The following AADACL4 variants were observed in gnomAD, a reference collection of about 807,000 sequenced individuals.
The protein encoded by AADACL4 is arylacetamide deacetylase like 4.
AADACL4 carries 9 observed loss-of-function variants against 14.1 expected under a neutral mutation model. The observed-to-expected ratio is 0.64, with a 90% CI of 0.39 to 1.12. AADACL4 has a LOEUF of 1.12. Among genes scored for constraint, AADACL4 ranks in the 50% most tolerant of loss-of-function variants. AADACL4 has a pLI of 0.01. For synonymous variants in AADACL4, 188 were observed against 201.6 expected (o/e 0.93, Z 0.57); for missense variants, 531 against 516.1 (o/e 1.03, Z -0.28).
Position 12,651,126 on chromosome 1 carries a change from A to G in AADACL4, c.172A>G (p.Asn58Asp). ...TTTCTTTTGTTACCTCCAACAGGGGAATATATTTGAGAAGCTGGGAATTTG... is the reference window on the plus strand; with the variant it reads ...TTTCTTTTGTTACCTCCAACAGGGGGATATATTTGAGAAGCTGGGAATTTG... ...CIFLYLVTLG[N>D]IFEKLGICSM... Residue 58 changes from asparagine (N) to aspartate (D), a missense_variant, in exon 2 of 4, where the codon AAT becomes GAT. Physicochemically the swap from Asn to Asp is conservative, Grantham distance 23. Coordinates refer to ENST00000376221, the MANE Select transcript of AADACL4 (RefSeq NM_001013630.2). 6.2e-7 allele frequency: 1 copy of G among 1,613,934 alleles called. No individual in the cohort carries two copies.
intron 1 of AADACL4, among the ~76,000 whole-genome samples, chr1:12,647,408 C>T (rs1300644300): frequency 6.6e-6 from 1 of 151,730 alleles, no homozygotes; most frequent in Non-Finnish European, 1.5e-5. Context: ...CCTGGGGAGG[C>T]TTTTTATAGG....
chr1:12,659,239 G>A (rs1424377237), intron 2 of AADACL4, among the ~76,000 whole-genome samples: 2 of 152,188 alleles, frequency 1.3e-5, no homozygotes, highest in Non-Finnish European at 2.9e-5. Flanking sequence ...CTGGCCTCAT[G>A]GACCTGACAG....
chr1:12,665,964 C>T lies in AADACL4; in HGVS notation c.453C>T (p.Tyr151=). ...TTGCTCCCTGTTTTCGTTTTAGGTA[C>T]CGCAAGCTTCCTGACCACCATTCCC... ...ETESVLLMIG[Y]RKLPDHHSPA... is the part of the protein sequence containing the mutation. The change falls in exon 4 of 4, where the codon TAC becomes TAT. Residue 151 remains tyrosine, a synonymous_variant. Coordinates refer to ENST00000376221, the MANE Select transcript of AADACL4 (RefSeq NM_001013630.2). The T allele has an allele frequency of 1.2e-6, 2 of 1,602,352 alleles. No individual in the cohort carries two copies. The highest frequency in any genetic ancestry group is 2.2e-5 in the East Asian group (1 of 44,634).
chr1:12,646,229 C>T (rs182094021), intron 1 of AADACL4, among the ~76,000 whole-genome samples: 8 of 152,306 alleles, frequency 5.3e-5, no homozygotes, highest in East Asian at 1.9e-4. Flanking sequence ...AGACAGCAGC[C>T]GGACTGCCTG....
chr1:12,647,244 C>A (rs894791001), intron 1 of AADACL4, among the ~76,000 whole-genome samples: 1 of 152,040 alleles, frequency 6.6e-6, no homozygotes, highest in African/African-American at 2.4e-5. Context: ...CAGGCGTGCA[C>A]CTTCACATCA....
At chr1:12,645,265 CCCTCCCTT>C (rs377561435) in intron 1 of AADACL4, among the ~76,000 whole-genome samples, 211 of 132,044 alleles carry the variant, frequency 1.6e-3, no homozygotes, top group African/African-American at 5.5e-3. Flanking sequence ...CTCCCTCCCT[CCCTCCCTT>C]CCTTCCTTGT....
intron 2 of AADACL4, among the ~76,000 whole-genome samples, chr1:12,656,910 G>T (rs1294852081): frequency 6.6e-6 from 1 of 152,114 alleles, no homozygotes; most frequent in African/African-American, 2.4e-5. Flanking sequence ...GGAGGTTGAG[G>T]CAGGTGGACT....
intron 2 of AADACL4, among the ~76,000 whole-genome samples, chr1:12,655,850 C>G (rs539903598): frequency 6.6e-6 from 1 of 152,178 alleles, no homozygotes; most frequent in East Asian, 1.9e-4. Flanking sequence ...ATGTTGGGCA[C>G]TGACTGGCTA....
rs774985174 is a variant in AADACL4, at chr1:12,666,753, C to T, written c.*18C>T. ...GCATATGATAGTAACCCTGGGGCCC[C>T]GAGGAGGAAGGGGCAAGTATGGACT... On this transcript the variant is annotated 3_prime_UTR_variant, in exon 4 of 4. Transcript: ENST00000376221. 300 of 1,574,652 alleles carry T rather than the reference C, an allele frequency of 1.9e-4. No homozygotes were observed. The highest frequency in any genetic ancestry group is 1.1e-3 in the East Asian group (49 of 44,630).
rs1474358925 is a variant in AADACL4, at chr1:12,644,689, G to A, written c.143G>A (p.Cys48Tyr). The A allele has an allele frequency of 6.2e-7, 1 of 1,613,950 alleles. No homozygotes were observed. Among genetic ancestry groups the A allele is most frequent in the Non-Finnish European group, 8.5e-7 (1 of 1,179,966 alleles). Residue 48 changes from cysteine to tyrosine, a missense_variant, in exon 1 of 4, where the codon TGC becomes TAC. Coordinates refer to ENST00000376221, the MANE Select transcript of AADACL4 (RefSeq NM_001013630.2). ...QHPAKLRFLH[C>Y]IFLYLVTLGN... ...CCTGCCAAGTTGAGATTCCTGCATT[G>A]CATATTCCTCTACCTGGTCACTTTG...
chr1:12,652,952 C>T lies in AADACL4; in HGVS notation c.385+1613C>T, dbSNP rs113250124. Among the ~76,000 whole-genome samples, 965 of 152,272 alleles carry T rather than the reference C, an allele frequency of 6.3e-3. 16 individuals carry two copies. Among genetic ancestry groups the T allele is most frequent in the African/African-American group, 0.022 (920 of 41,554 alleles). ...TTTCCTTTTGCTAGTCATGTGAAAC[C>T]GCTGCCTGGAATTTTCTATTCTTCT... is the stretch of plus-strand genomic sequence containing the variant. On this transcript the variant is annotated intron_variant, in intron 2 of 3. Transcript: ENST00000376221.
chr1:12,651,397 G>T, intron 2 of AADACL4, 58 bp downstream of exon 2: 1 of 1,546,218 alleles, frequency 6.5e-7, no homozygotes, highest in East Asian at 2.3e-5. Flanking sequence ...GCATAGCCTA[G>T]CTCATGCCTC....
chr1:12,651,009 C>T, intron 1 of AADACL4, 114 bp from the exon 2 acceptor site: 1 of 1,025,328 alleles, frequency 9.8e-7, no homozygotes. Context: ...CCTGTACCTA[C>T]AGGAGGCAGG....
At chr1:12,658,120 C>CT (rs1557550812) in intron 2 of AADACL4, among the ~76,000 whole-genome samples, 1 of 114,416 alleles carries the variant, frequency 8.7e-6, no homozygotes, top group Non-Finnish European at 1.6e-5. Flanking sequence ...TCCTTCCTTC[C>CT]TTCCTTCCTT....
intron 2 of AADACL4, 150 bp downstream of exon 2, chr1:12,651,489 T>G (rs1202008274): frequency 1.3e-6 from 1 of 781,712 alleles, no homozygotes; most frequent in Non-Finnish European, 2.0e-6. Context: ...CTAAGGGCTT[T>G]GGGCTCAGGT....
At chr1:12,658,144 CTTT>C (rs1570431568) in intron 2 of AADACL4, among the ~76,000 whole-genome samples, 17 of 125,880 alleles carry the variant, frequency 1.4e-4, no homozygotes, top group South Asian at 4.8e-4. Flanking sequence ...TCCTTCCTTT[CTTT>C]CTTTCTTTCT....
intron 2 of AADACL4, among the ~76,000 whole-genome samples, chr1:12,657,261 G>T (rs1472265832): frequency 6.6e-6 from 1 of 151,986 alleles, no homozygotes; most frequent in Non-Finnish European, 1.5e-5. Flanking sequence ...CCAGACTGAG[G>T]GAAACAGCAG....
intron 2 of AADACL4, among the ~76,000 whole-genome samples, chr1:12,654,006 A>C (rs1647166140): frequency 6.6e-6 from 1 of 152,196 alleles, no homozygotes; most frequent in African/African-American, 2.4e-5. Flanking sequence ...TCCTATCCCC[A>C]AAGCCTGGAG....
At chr1:12,653,741 T>C (rs901144112) in intron 2 of AADACL4, among the ~76,000 whole-genome samples, 6 of 152,206 alleles carry the variant, frequency 3.9e-5, no homozygotes, top group Admixed American at 3.3e-4. Context: ...TTTCATTTGA[T>C]GGACAAGGTC....
Sources: gnomAD v4.1 joint callset for allele counts (sites outside exome capture counted in the v4.1 genomes callset) on GRCh38, gnomAD v4.1.1 for gene constraint, MANE v1.5 for transcripts, NCBI Gene and HGNC (gene_info 2026-07-23, HGNC 2026-07-21) for gene names.